The following DRG2 variants were observed in gnomAD, a reference collection of about 807,000 sequenced individuals.
DRG2 encodes the protein developmentally-regulated GTP-binding protein 2.
DRG2 carries 36 observed loss-of-function variants against 53.4 expected under a neutral mutation model. The observed-to-expected ratio is 0.67, with a 90% CI of 0.52 to 0.89. The LOEUF (loss-of-function observed/expected upper bound fraction) is 0.89. Among genes scored for constraint, DRG2 ranks in the 40% least tolerant of loss-of-function variants. The probability of loss-of-function intolerance (pLI) is 0.00; values close to 1 mark genes in which losing one functional copy is unlikely to be tolerated. For missense variants in DRG2, 342 were observed against 481.2 expected (o/e 0.71, Z 2.71); for synonymous variants, 167 against 192.1 (o/e 0.87, Z 1.08).
At chr17:18,088,776 T>C (rs2045261846) in intron 1 of DRG2, among the ~76,000 whole-genome samples, 1 of 152,116 alleles carries the variant, frequency 6.6e-6, no homozygotes, top group Non-Finnish European at 1.5e-5. Context: ...ATCTGGACTT[T>C]AGAATGTAAG....
intron 2 of DRG2, among the ~76,000 whole-genome samples, chr17:18,094,931 A>G (rs1472640125): frequency 8.5e-5 from 10 of 117,398 alleles, no homozygotes; most frequent in African/African-American, 3.0e-4. Context: ...CCGAGATTGC[A>G]CCATTGCACT....
At position 18,093,940 on chromosome 17, in the gene DRG2, T is replaced by A; in HGVS notation, c.192T>A (p.Arg64=). The change falls in exon 2 of 13, where the codon CGT becomes CGA. Residue 64 remains arginine, a synonymous_variant. Coordinates refer to ENST00000225729, the MANE Select transcript of DRG2 (RefSeq NM_001388.5). ...ATGTCATGAAGTCGGGTGATGCCCG[T>A]GTGGCGCTGATTGGATTTCCCTCTG... The part of the protein sequence containing the change: ...GFDVMKSGDA[R]VALIGFPSVG... 6.2e-7 allele frequency: 1 copy of A among 1,614,150 alleles called. No homozygotes were observed. The highest frequency in any genetic ancestry group is 8.5e-7 in the Non-Finnish European group (1 of 1,180,014).
chr17:18,088,230 C>A, intron 1 of DRG2, 143 bp downstream of exon 1: 1 of 1,072,952 alleles, frequency 9.3e-7, no homozygotes, highest in South Asian at 1.6e-5. Context: ...GGCCGCCCTG[C>A]GCGCCCAAGG....
intron 10 of DRG2, 115 bp downstream of exon 10, chr17:18,104,004 A>G (rs1008469515): frequency 2.6e-5 from 26 of 987,434 alleles, no homozygotes; most frequent in African/African-American, 2.4e-4. Flanking sequence ...GCTTGTCTAG[A>G]CACACCTCAG....
In DRG2 at chr17:18,098,521, T is replaced by G; in HGVS notation, c.315+162T>G. The G allele has an allele frequency of 1.6e-6, 1 of 613,460 alleles. No homozygotes were observed. Among genetic ancestry groups the G allele is most frequent in the Non-Finnish European group, 2.9e-6 (1 of 343,966 alleles). 38.0% of individuals were successfully genotyped at this position (613,460 alleles called of 1,614,324 possible). A position where few individuals can be genotyped will look rare whatever the true frequency, so the allele number is the denominator to read the frequency against. On this transcript the variant is annotated intron_variant, in intron 3 of 12. Coordinates refer to ENST00000225729, the MANE Select transcript of DRG2 (RefSeq NM_001388.5). This position sits in a 1 kb window ranked among gnomAD's most constrained non-coding sequence, Gnocchi z 4.1. ...CCAGCACTGACACTTCTGGGGATCC[T>G]AGCTGCTGGACCCCAGAGATGCCTG...
rs1338542041 is a variant in DRG2 at position 18,099,392 on chromosome 17, A to G, written c.377-241A>G. 1.5e-5 allele frequency: 9 copies of G among 615,022 alleles called. No homozygotes were observed. The highest frequency in any genetic ancestry group is 5.8e-5 in the South Asian group (3 of 51,444). The allele number at this position is 615,022 out of a possible 1,614,324, so 38.1% of individuals were successfully genotyped here. ...TTTAGCCTGGGCCCTGCCACATGGT[A>G]GGGGTGGGCGTAGGACAGCCGTTAT... On this transcript the variant is annotated intron_variant, in intron 4 of 12. Transcript: ENST00000225729. The surrounding 1 kb of genome is among the most constrained non-coding windows in gnomAD (Gnocchi z 4.4).
At position 18,100,763 on chromosome 17, in the gene DRG2, T is replaced by G. The variant is rs1597726161; in HGVS notation, c.631+104T>G. 3.2e-5 allele frequency: 35 copies of G among 1,100,780 alleles called. 1 individual carries two copies. In the South Asian group the frequency reaches 4.4e-4, roughly 14 times the overall value. 68.2% of individuals were successfully genotyped at this position (1,100,780 alleles called of 1,614,324 possible). Reference sequence around the variant, plus strand: ...CCTCATGGAGCAGGGTGGCAGCAGGTCACCCCCACTGCCCCTGCTGTCCAT... The same window carrying G: ...CCTCATGGAGCAGGGTGGCAGCAGGGCACCCCCACTGCCCCTGCTGTCCAT... On this transcript the variant is annotated intron_variant, in intron 7 of 12. Transcript: ENST00000225729. This position sits in a 1 kb window ranked among gnomAD's most constrained non-coding sequence, Gnocchi z 4.1.
At chr17:18,101,397 C>T (rs746904300) in intron 7 of DRG2, 96 bp from the exon 8 acceptor site, 88 of 1,145,048 alleles carry the variant, frequency 7.7e-5, no homozygotes, top group Admixed American at 1.9e-4. Context: ...CGGTCCCACA[C>T]GGCCAGCATA....
chr17:18,101,694 T>C (rs2045539697), intron 8 of DRG2, 104 bp downstream of exon 8: 12 of 1,233,736 alleles, frequency 9.7e-6, no homozygotes, highest in African/African-American at 1.5e-5. Context: ...AGTCTGAGGC[T>C]CTCCCCTCAC....
chr17:18,093,319 A>AT lies in DRG2; in HGVS notation c.65-477dup, dbSNP rs35706658. ...GGTGAAGTCTCAACAAAGAGGCGGG[A>AT]TTTTTTTTTTTTTTTTTGAGATGGA... On this transcript the variant is annotated intron_variant, in intron 1 of 12. Transcript: ENST00000225729. Among the ~76,000 whole-genome samples the AT allele has an allele frequency of 4.0e-3, 569 of 141,154 alleles. 9 individuals carry two copies. The highest frequency in any genetic ancestry group is 0.011 in the African/African-American group (431 of 38,284). The allele number at this position is 141,154 out of a possible 152,430, so 92.6% of individuals were successfully genotyped here. A position where few individuals can be genotyped will look rare whatever the true frequency, so the allele number is the denominator to read the frequency against.
chr17:18,100,553 C>T lies in DRG2; in HGVS notation c.541-16C>T. 1 of 1,614,174 alleles carries T rather than the reference C, an allele frequency of 6.2e-7. No homozygotes were observed. The highest frequency in any genetic ancestry group is 8.5e-7 in the Non-Finnish European group (1 of 1,179,982). On this transcript the variant is annotated splice_polypyrimidine_tract_variant and intron_variant, in intron 6 of 12. Coordinates refer to ENST00000225729, the MANE Select transcript of DRG2 (RefSeq NM_001388.5). This position sits in a 1 kb window ranked among gnomAD's most constrained non-coding sequence, Gnocchi z 4.1. The stretch of plus-strand genomic sequence containing the variant: ...CCTCGGTCAGCAGTTCTCCCCATCC[C>T]TTTCTCCTCTTTCAGCCCAAGAAAG...
chr17:18,088,002 T>G lies in DRG2; in HGVS notation c.-22T>G. 6.5e-7 allele frequency: 1 copy of G among 1,546,478 alleles called. No homozygotes were observed. Among genetic ancestry groups the G allele is most frequent in the South Asian group, 1.2e-5 (1 of 83,326 alleles). ...CCGGTGCCGCCGCCACCGCTGTCTGTGCGCCCACCTCTGCTGCTACCATGG... is the reference window on the plus strand; with the variant it reads ...CCGGTGCCGCCGCCACCGCTGTCTGGGCGCCCACCTCTGCTGCTACCATGG... On this transcript the variant is annotated 5_prime_UTR_variant, in exon 1 of 13. Coordinates refer to ENST00000225729, the MANE Select transcript of DRG2 (RefSeq NM_001388.5).
At position 18,103,975 on chromosome 17, in the gene DRG2, C is replaced by T. The variant is rs964376001; in HGVS notation, c.895+86C>T. 2 of 1,315,280 alleles carry T rather than the reference C, an allele frequency of 1.5e-6. No homozygotes were observed. Among genetic ancestry groups the T allele is most frequent in the South Asian group, 1.2e-5 (1 of 84,042 alleles). 81.5% of individuals were successfully genotyped at this position (1,315,280 alleles called of 1,614,324 possible). On this transcript the variant is annotated intron_variant, in intron 10 of 12. Coordinates refer to ENST00000225729, the MANE Select transcript of DRG2 (RefSeq NM_001388.5). This position sits in a 1 kb window ranked among gnomAD's most constrained non-coding sequence, Gnocchi z 4.4. ...GCCGGTGTGTGGTGCCCAGAGACCC[C>T]AGCACCGGCTCTGGCCTGGCTTGTC...
chr17:18,095,547 A>G (rs2045420904), intron 2 of DRG2: 1 of 151,046 alleles, frequency 6.6e-6, no homozygotes, highest in African/African-American at 2.4e-5. Flanking sequence ...GGCATGCACC[A>G]CCCCGCCCGG....
rs561098403 is a variant in DRG2, at chr17:18,100,444, C to T, written c.540+9C>T. ...CTAACATCTACTTCAAGGTGAGGCA[C>T]CTCTCTGGCCTTCAGGCCAGGGGTG... On this transcript the variant is annotated intron_variant, in intron 6 of 12. Transcript: ENST00000225729. This position sits in a 1 kb window ranked among gnomAD's most constrained non-coding sequence, Gnocchi z 4.1. 2.5e-5 allele frequency: 41 copies of T among 1,614,244 alleles called. No individual in the cohort carries two copies. In the South Asian group the frequency reaches 3.8e-4, roughly 15 times the overall value.
At chr17:18,096,369 A>G (rs1006274122) in intron 2 of DRG2, 8 of 152,250 alleles carry the variant, frequency 5.3e-5, no homozygotes, top group African/African-American at 1.9e-4. Flanking sequence ...TGTTTTATTC[A>G]ATCATTTATT....
Position 18,087,949 on chromosome 17 carries a change from C to G in DRG2, c.-75C>G. On this transcript the variant is annotated 5_prime_UTR_variant, in exon 1 of 13. Coordinates refer to ENST00000225729, the MANE Select transcript of DRG2 (RefSeq NM_001388.5). ...CTCTTTGGCTTCCGGGCGCACGCTACTCTGTCGCCGCCGTCAGACCGGAAT... is the reference window on the plus strand; with the variant it reads ...CTCTTTGGCTTCCGGGCGCACGCTAGTCTGTCGCCGCCGTCAGACCGGAAT... 6.6e-7 allele frequency: 1 copy of G among 1,505,226 alleles called. No homozygotes were observed. The highest frequency in any genetic ancestry group is 9.0e-7 in the Non-Finnish European group (1 of 1,116,292). 93.2% of individuals were successfully genotyped at this position (1,505,226 alleles called of 1,614,324 possible). A position where few individuals can be genotyped will look rare whatever the true frequency, so the allele number is the denominator to read the frequency against.
intron 11 of DRG2, 52 bp from the exon 12 acceptor site, chr17:18,106,381 A>T (rs2045631157): frequency 1.9e-6 from 3 of 1,606,362 alleles, no homozygotes; most frequent in South Asian, 2.2e-5. Context: ...CAAGCTTGGG[A>T]TGGGGTTAGG....
At chr17:18,104,140 C>CCCTA (rs1191763049) in intron 10 of DRG2, among the ~76,000 whole-genome samples, 1 of 152,068 alleles carries the variant, frequency 6.6e-6, no homozygotes, top group African/African-American at 2.4e-5. Flanking sequence ...CAGTGACAGG[C>CCCTA]CCTACCGCAG....
Sources: gnomAD v4.1 joint callset for allele counts (sites outside exome capture counted in the v4.1 genomes callset) on GRCh38, gnomAD v4.1.1 for gene constraint, Gnocchi (gnomAD v3.1) non-coding constraint, MANE v1.5 for transcripts, NCBI Gene and HGNC (gene_info 2026-07-23, HGNC 2026-07-21) for gene names.